The following ZNF75D variants were observed in gnomAD, a reference collection of about 807,000 sequenced individuals.
ZNF75D encodes zinc finger protein 75.
Under a neutral mutation model 33.3 loss-of-function variants are expected in ZNF75D, and 33 were observed. That is an observed-to-expected ratio of 0.99 (90% CI 0.75 to 1.32). The LOEUF (loss-of-function observed/expected upper bound fraction) is 1.32. Among genes scored for constraint, ZNF75D ranks in the 40% most tolerant of loss-of-function variants. The pLI is 0.00. For missense variants in ZNF75D, 338 were observed against 367.5 expected, an observed-to-expected ratio of 0.92 and a Z score of 0.66; for synonymous variants, 113 against 130.6, an observed-to-expected ratio of 0.87 and a Z score of 0.92.
intron 1 of ZNF75D, among the ~76,000 whole-genome samples, chrX:135,297,929 T>C (rs912284585): frequency 6.3e-5 from 7 of 111,991 alleles, no homozygotes; most frequent in Admixed American, 2.8e-4. Context: ...CCTAGTCATG[T>C]CTTCACAAGG....
intron 1 of ZNF75D, among the ~76,000 whole-genome samples, chrX:135,311,939 AG>A (rs1465345298): frequency 8.9e-6 from 1 of 112,128 alleles, no homozygotes; most frequent in Non-Finnish European, 1.9e-5. Flanking sequence ...GTAATGATCA[AG>A]TAAGGGTATT....
intron 1 of ZNF75D, among the ~76,000 whole-genome samples, chrX:135,306,609 G>T (rs1464716234): frequency 8.9e-6 from 1 of 111,907 alleles, no homozygotes; most frequent in Non-Finnish European, 1.9e-5. Flanking sequence ...TATAAATTAT[G>T]ATTGGGATTG....
intron 1 of ZNF75D, among the ~76,000 whole-genome samples, chrX:135,269,461 A>G (rs929967386): frequency 1.8e-5 from 2 of 112,475 alleles, no homozygotes; most frequent in Non-Finnish European, 3.8e-5. Flanking sequence ...GACATTTCTT[A>G]AAACATACAA....
At chrX:135,267,599 G>A (rs1384377122) in intron 1 of ZNF75D, among the ~76,000 whole-genome samples, 1 of 111,224 alleles carries the variant, frequency 9.0e-6, no homozygotes, top group Admixed American at 9.6e-5. Context: ...TCAACAACAA[G>A]TAAGGAGCAA....
At chrX:135,313,405 G>A (rs561223168) in intron 1 of ZNF75D, among the ~76,000 whole-genome samples, 3 of 111,751 alleles carry the variant, frequency 2.7e-5, no homozygotes, top group African/African-American at 9.7e-5. Context: ...AATGTATTTT[G>A]AAGTCCAGTA....
At chrX:135,259,268 G>C (rs782731254) in intron 1 of ZNF75D, among the ~76,000 whole-genome samples, 1 of 111,606 alleles carries the variant, frequency 9.0e-6, no homozygotes, top group Admixed American at 9.5e-5. Flanking sequence ...GGATTGTCTT[G>C]GCAATGCAGG....
downstream of ZNF75D, among the ~76,000 whole-genome samples, chrX:135,285,347 G>A (rs1316524766): frequency 8.9e-6 from 1 of 111,872 alleles, no homozygotes; most frequent in South Asian, 3.7e-4. Context: ...TTACTCATGA[G>A]CAGTATAGCT....
At chrX:135,337,509 A>G (rs1411788907) in intron 1 of ZNF75D, among the ~76,000 whole-genome samples, 1 of 111,665 alleles carries the variant, frequency 9.0e-6, no homozygotes, top group Non-Finnish European at 1.9e-5. Context: ...ATTTTTATAT[A>G]TTTCCTTCTA....
At chrX:135,278,590 C>G (rs1026101824) in intron 1 of ZNF75D, among the ~76,000 whole-genome samples, 3 of 111,819 alleles carry the variant, frequency 2.7e-5, no homozygotes, top group Non-Finnish European at 5.6e-5. Context: ...ATGCTCCCAG[C>G]TTTTGCCCAT....
At chrX:135,302,839 A>T (rs1432634914) in intron 1 of ZNF75D, among the ~76,000 whole-genome samples, 1 of 110,457 alleles carries the variant, frequency 9.1e-6, no homozygotes, top group Admixed American at 9.5e-5. Context: ...TAGAGAAAGA[A>T]AAAAGGGGCC....
intron 1 of ZNF75D, among the ~76,000 whole-genome samples, chrX:135,274,567 G>A (rs2083893201): frequency 9.0e-6 from 1 of 111,494 alleles, no homozygotes; most frequent in Non-Finnish European, 1.9e-5. Flanking sequence ...CTCTTACTTA[G>A]GTTTACATGA....
downstream of ZNF75D, among the ~76,000 whole-genome samples, chrX:135,282,513 G>A (rs1451633199): frequency 9.0e-6 from 1 of 111,361 alleles, no homozygotes; most frequent in Non-Finnish European, 1.9e-5. Flanking sequence ...TGTCTTGCTG[G>A]TTCTCCAGGT....
At chrX:135,328,861 C>A (rs17330716) in intron 1 of ZNF75D, among the ~76,000 whole-genome samples, 6,054 of 111,959 alleles carry the variant, frequency 0.054, 169 homozygotes, top group Non-Finnish European at 0.084. Flanking sequence ...TGACCACGCT[C>A]CTTGTGTAAC....
intron 1 of ZNF75D, among the ~76,000 whole-genome samples, chrX:135,258,817 T>C (rs1424523050): frequency 8.9e-6 from 1 of 112,368 alleles, no homozygotes; most frequent in African/African-American, 3.2e-5. Flanking sequence ...CATTTGTATA[T>C]TTTGGCTTTT....
chrX:135,284,741 C>T (rs782559342), downstream of ZNF75D, among the ~76,000 whole-genome samples: 7 of 111,500 alleles, frequency 6.3e-5, no homozygotes, highest in Non-Finnish European at 7.5e-5. Context: ...AGGACCTGCA[C>T]GATAAGCTTT....
At chrX:135,296,070 T>C (rs1220497231) in intron 1 of ZNF75D, 31 bp from the exon 2 acceptor site, 1 of 110,931 alleles carries the variant, frequency 9.0e-6, no homozygotes, top group Non-Finnish European at 1.9e-5. Context: ...AAATGAAAGA[T>C]GCATTTCCGG....
chrX:135,307,394 A>C (rs1316334047), intron 1 of ZNF75D, among the ~76,000 whole-genome samples: 1 of 111,076 alleles, frequency 9.0e-6, no homozygotes, highest in Non-Finnish European at 1.9e-5. Flanking sequence ...ACATCTCCTC[A>C]TAACAGTCAT....
intron 1 of ZNF75D, among the ~76,000 whole-genome samples, chrX:135,256,467 C>G (rs1194149312): frequency 2.7e-5 from 3 of 112,007 alleles, no homozygotes; most frequent in Admixed American, 9.4e-5. Flanking sequence ...GAAGAATCAC[C>G]CTTCCCATCA....
At chrX:135,264,958 C>T (rs144961946) in intron 1 of ZNF75D, among the ~76,000 whole-genome samples, 3 of 112,406 alleles carry the variant, frequency 2.7e-5, no homozygotes, top group African/African-American at 6.5e-5. Context: ...CAGTGTCTCA[C>T]GCCTGTAATC....
Sources: gnomAD v4.1 joint callset for allele counts (sites outside exome capture counted in the v4.1 genomes callset) on GRCh38, gnomAD v4.1.1 for gene constraint, MANE v1.5 for transcripts, NCBI Gene and HGNC (gene_info 2026-07-23, HGNC 2026-07-21) for gene names.